GRIA1: variants seen among roughly 807,000 people sequenced by gnomAD.
The protein encoded by GRIA1 is glutamate ionotropic receptor AMPA type subunit 1.
A neutral mutation model predicts 99.2 loss-of-function variants in GRIA1; 31 were observed. The ratio of observed to expected loss-of-function variants is 0.31; its 90% CI spans 0.23 to 0.42. The LOEUF (loss-of-function observed/expected upper bound fraction) is 0.42. Among genes scored for constraint, GRIA1 ranks in the 10% least tolerant of loss-of-function variants. The pLI is 1.00. For synonymous variants in GRIA1, 438 were observed against 432.4 expected (o/e 1.01, Z -0.16); for missense variants, 782 against 1,157.5 (o/e 0.68, Z 4.71).
chr5:153,587,249 C>A (rs187633326), intron 2 of GRIA1, among the ~76,000 whole-genome samples: 1 of 151,978 alleles, frequency 6.6e-6, no homozygotes, highest in East Asian at 1.9e-4. Flanking sequence ...TAAAATGTGG[C>A]ACCTCCCCCA....
At chr5:153,671,972 C>A (rs1344253839) in intron 5 of GRIA1, among the ~76,000 whole-genome samples, 1 of 152,194 alleles carries the variant, frequency 6.6e-6, no homozygotes, top group Non-Finnish European at 1.5e-5. Flanking sequence ...CTGGGGGTAA[C>A]TCTACTATGT....
At chr5:153,680,294 C>G (rs1425237787) in intron 7 of GRIA1, among the ~76,000 whole-genome samples, 2 of 152,012 alleles carry the variant, frequency 1.3e-5, no homozygotes, top group Non-Finnish European at 2.9e-5. Flanking sequence ...CTGCCTGCCC[C>G]CTGCTTGCCA....
At chr5:153,623,275 G>A (rs1393662394) in intron 2 of GRIA1, among the ~76,000 whole-genome samples, 3 of 152,128 alleles carry the variant, frequency 2.0e-5, no homozygotes, top group Admixed American at 2.0e-4. Context: ...CAGAGAGGAG[G>A]GTGTATGTGT....
At chr5:153,536,564 CATA>C (rs2113464236) in intron 2 of GRIA1, among the ~76,000 whole-genome samples, 1 of 152,302 alleles carries the variant, frequency 6.6e-6, no homozygotes, top group African/African-American at 2.4e-5. Context: ...GTACATTTCA[CATA>C]AGAGACACCC....
chr5:153,534,719 G>A (rs1011822141), intron 2 of GRIA1, among the ~76,000 whole-genome samples: 4 of 152,230 alleles, frequency 2.6e-5, no homozygotes, highest in African/African-American at 9.6e-5. Context: ...AAGAAGTCAG[G>A]CATTTTCTTG....
intron 11 of GRIA1, among the ~76,000 whole-genome samples, chr5:153,708,345 T>C (rs1759066112): frequency 6.6e-6 from 1 of 152,162 alleles, no homozygotes; most frequent in Non-Finnish European, 1.5e-5. Flanking sequence ...TTTGAGTTTG[T>C]GACCTCTGGC....
At chr5:153,762,397 T>G (rs1020742015) in intron 11 of GRIA1, among the ~76,000 whole-genome samples, 1 of 152,196 alleles carries the variant, frequency 6.6e-6, no homozygotes, top group Admixed American at 6.5e-5. Context: ...CAGCTTCAAA[T>G]GACCTCAACA....
intron 11 of GRIA1, among the ~76,000 whole-genome samples, chr5:153,728,002 C>T (rs1046543227): frequency 1.5e-3 from 223 of 151,520 alleles, no homozygotes; most frequent in Middle Eastern, 0.01. Flanking sequence ...GCTACAGTAA[C>T]CAAAACAGCA....
intron 10 of GRIA1, among the ~76,000 whole-genome samples, chr5:153,699,274 C>T (rs1024078063): frequency 6.6e-6 from 1 of 152,204 alleles, no homozygotes; most frequent in Non-Finnish European, 1.5e-5. Context: ...GTCCCTCAAT[C>T]CCACTCAGAG....
upstream of GRIA1, chr5:153,490,480 G>T (rs1753814286): frequency 8.4e-6 from 2 of 237,668 alleles, no homozygotes; most frequent in Non-Finnish European, 1.7e-5. Flanking sequence ...GAACAGGTAG[G>T]GAGGTCGGCT....
At chr5:153,691,748 C>T (rs1193077575) in intron 8 of GRIA1, among the ~76,000 whole-genome samples, 1 of 152,156 alleles carries the variant, frequency 6.6e-6, no homozygotes, top group Non-Finnish European at 1.5e-5. Flanking sequence ...CTCTCCATTT[C>T]TACTGCTGAG....
intron 2 of GRIA1, among the ~76,000 whole-genome samples, chr5:153,623,534 T>C (rs1767275092): frequency 6.6e-6 from 1 of 152,172 alleles, no homozygotes; most frequent in Non-Finnish European, 1.5e-5. Flanking sequence ...AGTTTAACAG[T>C]GAAAAACAAA....
chr5:153,570,898 A>G (rs1762056328), intron 2 of GRIA1, among the ~76,000 whole-genome samples: 1 of 152,186 alleles, frequency 6.6e-6, no homozygotes, highest in African/African-American at 2.4e-5. Context: ...TTCACTATAG[A>G]TATTCAGAAT....
At chr5:153,507,076 T>A (rs1334434668) in intron 2 of GRIA1, among the ~76,000 whole-genome samples, 3 of 152,068 alleles carry the variant, frequency 2.0e-5, no homozygotes, top group Non-Finnish European at 4.4e-5. Context: ...TGAGCCAAGA[T>A]CAAGCCACTG....
At chr5:153,741,647 A>T (rs1761796165) in intron 11 of GRIA1, among the ~76,000 whole-genome samples, 1 of 152,242 alleles carries the variant, frequency 6.6e-6, no homozygotes, top group African/African-American at 2.4e-5. Context: ...GAAATAAGCC[A>T]GTCACAGAAG....
intron 11 of GRIA1, among the ~76,000 whole-genome samples, chr5:153,741,999 G>C (rs527579519): frequency 6.6e-6 from 1 of 151,460 alleles, no homozygotes; most frequent in Admixed American, 6.6e-5. Context: ...CTGGGGATTT[G>C]CAGGCTGTTT....
intron 11 of GRIA1, among the ~76,000 whole-genome samples, chr5:153,724,808 G>A (rs1309935813): frequency 1.3e-5 from 2 of 152,242 alleles, no homozygotes; most frequent in African/African-American, 4.8e-5. Flanking sequence ...ATGGAACCAA[G>A]TTGGAAAACA....
chr5:153,576,258 G>A (rs1762521714), intron 2 of GRIA1, among the ~76,000 whole-genome samples: 1 of 152,190 alleles, frequency 6.6e-6, no homozygotes. Flanking sequence ...TGTTTTAAGA[G>A]CTTAGAGAAA....
intron 12 of GRIA1, 39 bp from the exon 13 acceptor site, chr5:153,770,129 A>C (rs1224963586): frequency 1.2e-6 from 2 of 1,606,944 alleles, no homozygotes; most frequent in African/African-American, 2.7e-5. Context: ...CCCCAATTCC[A>C]AGCGCACTTA....
Sources: gnomAD v4.1 joint callset for allele counts (sites outside exome capture counted in the v4.1 genomes callset) on GRCh38, gnomAD v4.1.1 for gene constraint, MANE v1.5 for transcripts, NCBI Gene and HGNC (gene_info 2026-07-23, HGNC 2026-07-21) for gene names.